Variants in ZNF436 observed in about 807,000 individuals in gnomAD.
ZNF436 encodes the protein zinc finger protein 436.
ZNF436 carries 22 observed loss-of-function variants against 41.9 expected under a neutral mutation model. The ratio of observed to expected loss-of-function variants is 0.53; its 90% CI spans 0.38 to 0.75. The LOEUF (loss-of-function observed/expected upper bound fraction) is 0.75. ZNF436 is among the 30% of genes least tolerant of loss of function. The pLI, the probability that ZNF436 is intolerant of heterozygous loss-of-function variation, is 0.00. For missense variants in ZNF436, 506 were observed against 587.3 expected (o/e 0.86, Z 1.43); for synonymous variants, 217 against 197.8 (o/e 1.10, Z -0.82).
In ZNF436 at chr1:23,363,051, C is replaced by T; in HGVS notation, c.331G>A (p.Ala111Thr). The T allele has an allele frequency of 6.2e-7, 1 of 1,614,196 alleles. No homozygotes were observed. The highest frequency in any genetic ancestry group is 8.5e-7 in the Non-Finnish European group (1 of 1,180,040). Residue 111 changes from alanine (A) to threonine (T), a missense_variant, in exon 4 of 4, where the codon GCA becomes ACA. By Grantham distance (58) the Ala-to-Thr change is moderately conservative. Around this residue, in one of 2 missense-constraint regions of ZNF436, gnomAD observed 228 missense variants for 215.1 expected, o/e 1.06. Transcript: ENST00000314011. ...RSERQWGDLT[A>T]EEWVSYPLQP... ...AGAGGATAGCTTACCCACTCTTCTG[C>T]TGTTAAATCTCCCCATTGTCTTTCT...
chr1:23,368,580 GAAC>G (rs369780406), intron 1 of ZNF436, among the ~76,000 whole-genome samples: 336 of 152,352 alleles, frequency 2.2e-3, no homozygotes, highest in Admixed American at 3.7e-3. Flanking sequence ...GGAGGGAAAA[GAAC>G]AAAAGGGTGA....
intron 2 of ZNF436, 130 bp from the exon 3 acceptor site, chr1:23,367,298 G>T: frequency 9.1e-7 from 1 of 1,096,436 alleles, no homozygotes; most frequent in Non-Finnish European, 1.2e-6. Flanking sequence ...AAATAAACAA[G>T]CAAAAAAGAG....
chr1:23,369,203 T>C, intron 1 of ZNF436, 163 bp downstream of exon 1: 1 of 416,854 alleles, frequency 2.4e-6, no homozygotes, highest in South Asian at 1.9e-5. Flanking sequence ...CTCCTTAGCG[T>C]CCCAGAGGGC....
At position 23,361,676 on chromosome 1, in the gene ZNF436, C is replaced by A; in HGVS notation, c.*293G>T. 1 of 291,276 alleles carries A rather than the reference C, an allele frequency of 3.4e-6. No individual in the cohort carries two copies. The allele number at this position is 291,276 out of a possible 1,614,324, so 18.0% of individuals were successfully genotyped here. A position where few individuals can be genotyped will look rare whatever the true frequency, so the allele number is the denominator to read the frequency against. Reference sequence around the variant, plus strand: ...TAACATTGAAAGATTTACTCCATTTCCAGGCCTAAGCATTCACCAGCATTT... The same window carrying A: ...TAACATTGAAAGATTTACTCCATTTACAGGCCTAAGCATTCACCAGCATTT... On this transcript the variant is annotated 3_prime_UTR_variant, in exon 4 of 4. Transcript: ENST00000314011.
intron 1 of ZNF436, chr1:23,368,391 G>C: frequency 9.4e-6 from 2 of 212,020 alleles, no homozygotes; most frequent in Non-Finnish European, 1.9e-5. Flanking sequence ...TCCGGCAGCT[G>C]CCTCAGCCAA....
chr1:23,366,085 CT>C (rs1199043096), intron 3 of ZNF436, among the ~76,000 whole-genome samples: 30 of 151,854 alleles, frequency 2.0e-4, no homozygotes. Flanking sequence ...TCATTTTTTG[CT>C]TTTGTTGGAT....
rs920546579 is a variant in ZNF436, at chr1:23,362,988, G to A, written c.394C>T (p.His132Tyr). The change falls in exon 4 of 4, where the codon CAC (histidine) becomes TAC (tyrosine). Residue 132 changes from histidine to tyrosine, a missense_variant. Around this residue, in one of 2 missense-constraint regions of ZNF436, gnomAD observed 228 missense variants for 215.1 expected, o/e 1.06. Transcript: ENST00000314011. ...CATATATGATAGCGGATGCCTGTGT[G>A]GACTTCTTTGTGGACAAGTAGATCA... ...VTDLLVHKEV[H>Y]TGIRYHICSH... 2 of 1,614,084 alleles carry A rather than the reference G, an allele frequency of 1.2e-6. No homozygotes were observed. Among genetic ancestry groups the A allele is most frequent in the Non-Finnish European group, 1.7e-6 (2 of 1,180,052 alleles).
chr1:23,362,807 C>T lies in ZNF436; in HGVS notation c.575G>A (p.Arg192Lys), dbSNP rs772814575. 1 of 1,614,200 alleles carries T rather than the reference C, an allele frequency of 6.2e-7. No homozygotes were observed. The highest frequency in any genetic ancestry group is 1.1e-5 in the South Asian group (1 of 91,084). Residue 192 changes from arginine (R) to lysine (K), a missense_variant, in exon 4 of 4, where the codon AGG (arginine) becomes AAG (lysine). Arg to Lys is a conservative substitution (Grantham distance 26). This residue lies in a region of ZNF436 where 278 missense variants were observed against 372.1 expected (regional missense o/e 0.75). Transcript: ENST00000314011. ...IQHQRTHTGE[R>K]PYDCNECGKS... ...CCCACACTCGTTACAGTCATAAGGC[C>T]TCTCCCCAGTATGTGTTCTTTGATG...
rs1393683709 is a variant in ZNF436, at chr1:23,363,231, A to G, written c.161-10T>C. On this transcript the variant is annotated splice_polypyrimidine_tract_variant and intron_variant, in intron 3 of 3. Coordinates refer to ENST00000314011, the MANE Select transcript of ZNF436 (RefSeq NM_001077195.2). ...CTCCTGATCTCAAAATCTGTAATAA[A>G]AAGTAAACAATAAGACTAGTAAGTA... The G allele has an allele frequency of 6.2e-7, 1 of 1,603,898 alleles. No individual in the cohort carries two copies. The highest frequency in any genetic ancestry group is 1.7e-5 in the Admixed American group (1 of 59,422).
Position 23,362,890 on chromosome 1 carries a change from T to C in ZNF436, c.492A>G (p.Arg164=), listed in dbSNP as rs777872797. The change falls in exon 4 of 4, where the codon AGA becomes AGG. Residue 164 remains arginine (R), a synonymous_variant. Coordinates refer to ENST00000314011, the MANE Select transcript of ZNF436 (RefSeq NM_001077195.2). The part of the protein sequence containing the change: ...NRHQKTHTGD[R]PYKCYECGKG... ...TTCCACATTCATAACATTTATAGGG[T>C]CTGTCTCCAGTGTGGGTCTTCTGAT... The C allele has an allele frequency of 9.9e-6, 16 of 1,614,164 alleles. No homozygotes were observed. Among genetic ancestry groups the C allele is most frequent in the South Asian group, 8.8e-5 (8 of 91,084 alleles).
At chr1:23,363,395 T>C (rs1218181200) in intron 3 of ZNF436, among the ~76,000 whole-genome samples, 174 bp from the exon 4 acceptor site, 4 of 151,974 alleles carry the variant, frequency 2.6e-5, no homozygotes, top group Non-Finnish European at 5.9e-5. Context: ...TTCAAGCAAT[T>C]CTCCTGTCTC....
At position 23,369,351 on chromosome 1, in the gene ZNF436, G is replaced by A; in HGVS notation, c.-61+15C>T. On this transcript the variant is annotated intron_variant, in intron 1 of 3. Coordinates refer to ENST00000314011, the MANE Select transcript of ZNF436 (RefSeq NM_001077195.2). ...TAGGAAGCCGAAAACCCGAGTGGGG[G>A]ACGAACAGACTTACCTCCTGTCCCG... 1.9e-6 allele frequency: 1 copy of A among 532,872 alleles called. No individual in the cohort carries two copies. Among genetic ancestry groups the A allele is most frequent in the South Asian group, 1.4e-5 (1 of 71,538 alleles). The allele number at this position is 532,872 out of a possible 1,614,324, so 33.0% of individuals were successfully genotyped here.
intron 3 of ZNF436, among the ~76,000 whole-genome samples, chr1:23,363,678 G>C (rs1446134931): frequency 6.6e-6 from 1 of 152,190 alleles, no homozygotes; most frequent in Non-Finnish European, 1.5e-5. Flanking sequence ...GTAAATGGTA[G>C]AGCCAGTATT....
intron 1 of ZNF436, 173 bp downstream of exon 1, chr1:23,369,193 C>G (rs1638439994): frequency 2.2e-5 from 9 of 403,374 alleles, no homozygotes; most frequent in Non-Finnish European, 4.6e-5. Context: ...GGGGCGGGCC[C>G]TCCTTAGCGT....
chr1:23,368,064 C>A lies in ZNF436; in HGVS notation c.-59G>T. On this transcript the variant is annotated splice_region_variant and 5_prime_UTR_variant, in exon 2 of 4. Transcript: ENST00000314011. ...AGCAGGAAAAGCAGCTAGCAGACAGCGCTGAAGGAGGCGAAAAGCAGGGCG... is the reference window on the plus strand; with the variant it reads ...AGCAGGAAAAGCAGCTAGCAGACAGAGCTGAAGGAGGCGAAAAGCAGGGCG... 1 of 1,601,082 alleles carries A rather than the reference C, an allele frequency of 6.2e-7. No individual in the cohort carries two copies. The highest frequency in any genetic ancestry group is 1.1e-5 in the South Asian group (1 of 90,594).
Position 23,368,056 on chromosome 1 carries a change from G to C in ZNF436, c.-51C>G. The C allele has an allele frequency of 1.9e-6, 3 of 1,609,100 alleles. No individual in the cohort carries two copies. The highest frequency in any genetic ancestry group is 2.6e-6 in the Non-Finnish European group (3 of 1,175,886). On this transcript the variant is annotated 5_prime_UTR_variant, in exon 2 of 4. Coordinates refer to ENST00000314011, the MANE Select transcript of ZNF436 (RefSeq NM_001077195.2). ...GGAGAGAGAGCAGGAAAAGCAGCTA[G>C]CAGACAGCGCTGAAGGAGGCGAAAA...
intron 1 of ZNF436, chr1:23,369,120 G>T: frequency 3.5e-6 from 1 of 285,122 alleles, no homozygotes; most frequent in South Asian, 2.9e-5. Flanking sequence ...AAAACCCTGG[G>T]GGACTCAGAA....
intron 3 of ZNF436, among the ~76,000 whole-genome samples, chr1:23,365,120 G>A (rs2849026): frequency 0.59 from 89,114 of 151,678 alleles, 29,359 homozygotes; most frequent in Middle Eastern, 0.73. Flanking sequence ...CAGGCCGGGC[G>A]CGGTGGCTCA....
At chr1:23,365,552 A>T (rs1638340707) in intron 3 of ZNF436, among the ~76,000 whole-genome samples, 1 of 151,910 alleles carries the variant, frequency 6.6e-6, no homozygotes, top group Non-Finnish European at 1.5e-5. Context: ...CGTCTCCACT[A>T]AAAATACAAA....
Sources: gnomAD v4.1 joint callset for allele counts (sites outside exome capture counted in the v4.1 genomes callset) on GRCh38, gnomAD v4.1.1 for gene constraint, gnomAD v4.1.1 regional missense constraint, MANE v1.5 for transcripts, NCBI Gene and HGNC (gene_info 2026-07-23, HGNC 2026-07-21) for gene names.